SHISA9: variants seen among roughly 807,000 people sequenced by gnomAD.
SHISA9 encodes protein shisa-9.
In SHISA9, 13 loss-of-function variants were observed where a neutral mutation model predicts 38.0. That is an observed-to-expected ratio of 0.34 (90% CI 0.22 to 0.54). The LOEUF (loss-of-function observed/expected upper bound fraction) is 0.54. Ranked by LOEUF, SHISA9 falls within the 20% of genes least tolerant of loss-of-function variation. The pLI is 0.91. For synonymous variants in SHISA9, 275 were observed against 242.0 expected (o/e 1.14, Z -1.27); for missense variants, 538 against 575.8 (o/e 0.93, Z 0.67).
At chr16:13,137,926 CA>C (rs2050364587) in intron 2 of SHISA9, among the ~76,000 whole-genome samples, 1 of 152,130 alleles carries the variant, frequency 6.6e-6, no homozygotes, top group South Asian at 2.1e-4. Flanking sequence ...TATTTTTCTT[CA>C]GGACTAAGCG....
chr16:13,415,304 G>A, the SHISA9 span, among the ~76,000 whole-genome samples: 1 of 152,150 alleles, frequency 6.6e-6, no homozygotes, highest in Non-Finnish European at 1.5e-5. Context: ...TGGAGCTGGA[G>A]GCCATGATCC....
the SHISA9 span, among the ~76,000 whole-genome samples, chr16:13,454,377 GAC>G: frequency 5.6e-3 from 847 of 152,264 alleles, 5 homozygotes; most frequent in African/African-American, 0.019. Flanking sequence ...TGCCTTCACT[GAC>G]ACCTCTCCAC....
intron 2 of SHISA9, among the ~76,000 whole-genome samples, chr16:13,120,262 T>C (rs541780070): frequency 9.2e-5 from 14 of 152,312 alleles, no homozygotes; most frequent in Middle Eastern, 3.4e-3. Context: ...CTGTTGATAG[T>C]AGTGCAGTGA....
intron 1 of SHISA9, among the ~76,000 whole-genome samples, chr16:12,915,988 T>G (rs2071248887): frequency 1.2e-5 from 1 of 81,056 alleles, no homozygotes; most frequent in Admixed American, 1.2e-4. Context: ...AACACTGAGT[T>G]TTTTTTTTGT....
chr16:13,381,442 G>C, the SHISA9 span, among the ~76,000 whole-genome samples: 5 of 152,130 alleles, frequency 3.3e-5, no homozygotes, highest in African/African-American at 1.2e-4. Flanking sequence ...TCCAGGAAAA[G>C]CATAAAGTTA....
chr16:13,078,011 G>C (rs980782692), intron 2 of SHISA9, among the ~76,000 whole-genome samples: 1 of 152,178 alleles, frequency 6.6e-6, no homozygotes, highest in Non-Finnish European at 1.5e-5. Context: ...AATCCCAGGG[G>C]ACTGGCTTTA....
At chr16:13,097,466 G>C (rs2073839494) in intron 2 of SHISA9, among the ~76,000 whole-genome samples, 1 of 151,854 alleles carries the variant, frequency 6.6e-6, no homozygotes, top group Non-Finnish European at 1.5e-5. Context: ...CCTCAGGCTG[G>C]AGTACAATGA....
At chr16:13,259,924 C>T in the SHISA9 span, among the ~76,000 whole-genome samples, 5 of 149,360 alleles carry the variant, frequency 3.3e-5, no homozygotes, top group South Asian at 1.1e-3. Flanking sequence ...TGGGAATTAA[C>T]ATTAGTCTCC....
intron 2 of SHISA9, among the ~76,000 whole-genome samples, chr16:13,141,233 A>G (rs768754030): frequency 4.9e-4 from 74 of 152,108 alleles, no homozygotes; most frequent in Middle Eastern, 6.8e-3. Context: ...GTTTTTTTCT[A>G]CCATGGTGAT....
the SHISA9 span, among the ~76,000 whole-genome samples, chr16:13,281,000 T>C: frequency 6.6e-6 from 1 of 151,874 alleles, no homozygotes. Context: ...CTTTTTAAAT[T>C]CTTATTTTAT....
the SHISA9 span, among the ~76,000 whole-genome samples, chr16:13,482,437 C>T: frequency 6.6e-6 from 1 of 152,228 alleles, no homozygotes; most frequent in Non-Finnish European, 1.5e-5. Context: ...TCACCCTTTT[C>T]TCATAACAAC....
chr16:13,498,691 A>G, the SHISA9 span, among the ~76,000 whole-genome samples: 1 of 152,184 alleles, frequency 6.6e-6, no homozygotes, highest in Non-Finnish European at 1.5e-5. Context: ...TGGGAGGTGG[A>G]GGTTGCAGTG....
intron 2 of SHISA9, among the ~76,000 whole-genome samples, chr16:13,076,269 G>A (rs191715918): frequency 1.3e-3 from 193 of 152,190 alleles, no homozygotes; most frequent in Non-Finnish European, 1.9e-3. Context: ...GACCTCAGGC[G>A]ATCTGCCCAA....
intron 2 of SHISA9, among the ~76,000 whole-genome samples, chr16:13,130,275 C>T (rs1344830944): frequency 1.3e-5 from 2 of 152,130 alleles, no homozygotes; most frequent in South Asian, 2.1e-4. Flanking sequence ...GTATAATTCT[C>T]TCTCCTTGGT....
At chr16:13,213,341 T>C in intron 4 of SHISA9, 41 bp downstream of exon 4, 2 of 1,535,834 alleles carry the variant, frequency 1.3e-6, no homozygotes, top group Non-Finnish European at 1.8e-6. Context: ...CCAGGTGTTG[T>C]CAAAGTTAGC....
chr16:12,994,582 G>C (rs1343737298), intron 2 of SHISA9, among the ~76,000 whole-genome samples: 1 of 152,196 alleles, frequency 6.6e-6, no homozygotes, highest in Non-Finnish European at 1.5e-5. Flanking sequence ...TCTGGAAATA[G>C]GAAACAGGTG....
chr16:13,193,242 C>A (rs771711341), intron 2 of SHISA9, among the ~76,000 whole-genome samples: 5 of 152,164 alleles, frequency 3.3e-5, no homozygotes, highest in Non-Finnish European at 7.3e-5. Context: ...TGGCTTTGGG[C>A]ACTCAACCTC....
At chr16:13,265,981 T>A in the SHISA9 span, among the ~76,000 whole-genome samples, 3 of 152,194 alleles carry the variant, frequency 2.0e-5, no homozygotes, top group Admixed American at 2.0e-4. Flanking sequence ...TATTAAGATA[T>A]AAGATTAGGA....
At chr16:13,019,784 C>CTT (rs1483102180) in intron 2 of SHISA9, among the ~76,000 whole-genome samples, 1 of 125,774 alleles carries the variant, frequency 8.0e-6, no homozygotes, top group Non-Finnish European at 1.7e-5. Context: ...TTCTTTCTTT[C>CTT]TTTCTTTCTT....
Sources: gnomAD v4.1 joint callset for allele counts (sites outside exome capture counted in the v4.1 genomes callset) on GRCh38, gnomAD v4.1.1 for gene constraint, MANE v1.5 for transcripts, NCBI Gene and HGNC (gene_info 2026-07-23, HGNC 2026-07-21) for gene names.